GREB1L: variants seen among roughly 807,000 people sequenced by gnomAD.
GREB1L encodes the protein GREB1 like retinoic acid receptor coactivator, also known as GREB1-like protein.
Under a neutral mutation model 200.8 loss-of-function variants are expected in GREB1L, and 17 were observed. The ratio of observed to expected loss-of-function variants is 0.08; its 90% CI spans 0.06 to 0.13. The LOEUF (loss-of-function observed/expected upper bound fraction) is 0.13. Among genes scored for constraint, GREB1L ranks in the 10% least tolerant of loss-of-function variants. GREB1L has a pLI of 1.00. For missense variants in GREB1L, 1,657 were observed against 2,367.7 expected, an observed-to-expected ratio of 0.70 and a Z score of 6.23; for synonymous variants, 789 against 893.0, an observed-to-expected ratio of 0.88 and a Z score of 2.08.
intron 1 of GREB1L, among the ~76,000 whole-genome samples, chr18:21,289,447 G>A (rs2038411488): frequency 6.6e-6 from 1 of 151,968 alleles, no homozygotes; most frequent in South Asian, 2.1e-4. Context: ...GCTGAGGTGG[G>A]AGGATCACTT....
chr18:21,318,228 G>A (rs2038902843), intron 1 of GREB1L, among the ~76,000 whole-genome samples: 1 of 152,010 alleles, frequency 6.6e-6, no homozygotes, highest in Non-Finnish European at 1.5e-5. Context: ...AACTTGGTAT[G>A]TAGAAAGTAT....
chr18:21,449,400 A>G, intron 11 of GREB1L, 110 bp from the exon 12 acceptor site: 1 of 609,390 alleles, frequency 1.6e-6, no homozygotes, highest in Non-Finnish European at 2.8e-6. Flanking sequence ...GTTATTTTCT[A>G]GTTGGAGTAT....
chr18:21,495,828 G>A (rs1489241740), intron 20 of GREB1L, 43 bp downstream of exon 20: 1 of 1,096,314 alleles, frequency 9.1e-7, no homozygotes, highest in Non-Finnish European at 1.3e-6. Context: ...CAGTTGCCCA[G>A]CTGAACTGAT....
At chr18:21,282,669 G>A (rs2038288834) in intron 1 of GREB1L, among the ~76,000 whole-genome samples, 1 of 151,700 alleles carries the variant, frequency 6.6e-6, no homozygotes, top group South Asian at 2.1e-4. Flanking sequence ...GCACAATCTC[G>A]GCTCATTGCA....
At chr18:21,292,607 T>C (rs1248227949) in intron 1 of GREB1L, among the ~76,000 whole-genome samples, 1 of 152,240 alleles carries the variant, frequency 6.6e-6, no homozygotes, top group Admixed American at 6.5e-5. Context: ...AATTATATCA[T>C]GTGTCGCCCT....
intron 7 of GREB1L, among the ~76,000 whole-genome samples, chr18:21,425,416 T>A (rs1434541796): frequency 2.0e-5 from 3 of 152,212 alleles, no homozygotes; most frequent in African/African-American, 7.2e-5. Flanking sequence ...ATTTCAAACC[T>A]AGGAGTGGAA....
intron 1 of GREB1L, among the ~76,000 whole-genome samples, chr18:21,352,496 A>AGC (rs2039448260): frequency 6.8e-6 from 1 of 146,156 alleles, no homozygotes; most frequent in East Asian, 2.0e-4. Context: ...TGCGATGGTG[A>AGC]GATCTCGGCT....
chr18:21,463,131 GTTC>G (rs2035117008), intron 15 of GREB1L, among the ~76,000 whole-genome samples: 1 of 135,620 alleles, frequency 7.4e-6, no homozygotes, highest in Non-Finnish European at 1.6e-5. Flanking sequence ...TAGCTTAATG[GTTC>G]TTTTTTTTTT....
rs547115669 is a variant in GREB1L, at chr18:21,466,153, C to A, written c.2183-6878C>A. Among the ~76,000 whole-genome samples, 19 of 152,172 alleles carry A rather than the reference C, an allele frequency of 1.2e-4. No individual in the cohort carries two copies. In the South Asian group the frequency reaches 2.3e-3, roughly 18 times the overall value. Reference sequence around the variant, plus strand: ...ATTCATTTTACTGATTTTTAGTATTCTTTTATATAAATACATCACATATCT... The same window carrying A: ...ATTCATTTTACTGATTTTTAGTATTATTTTATATAAATACATCACATATCT... On this transcript the variant is annotated intron_variant, in intron 15 of 32. Coordinates refer to ENST00000424526, the MANE Select transcript of GREB1L (RefSeq NM_001142966.3).
chr18:21,281,703 C>T (rs1303478096), intron 1 of GREB1L, among the ~76,000 whole-genome samples: 1 of 151,980 alleles, frequency 6.6e-6, no homozygotes, highest in Non-Finnish European at 1.5e-5. Context: ...TTGTGTGTCT[C>T]AAAGATACAA....
chr18:21,382,044 A>T (rs561933036), intron 2 of GREB1L, among the ~76,000 whole-genome samples: 34 of 152,322 alleles, frequency 2.2e-4, no homozygotes, highest in Admixed American at 8.5e-4. Flanking sequence ...ATTTTGTTTA[A>T]ATAGTTTCAG....
chr18:21,386,688 G>A (rs1427616139), intron 4 of GREB1L, among the ~76,000 whole-genome samples: 3 of 134,420 alleles, frequency 2.2e-5, no homozygotes, highest in Non-Finnish European at 4.5e-5. Context: ...TGTATTTTTA[G>A]TAGAGACAGG....
intron 28 of GREB1L, 99 bp downstream of exon 28, chr18:21,514,085 C>T (rs2037333107): frequency 1.7e-6 from 2 of 1,185,034 alleles, no homozygotes; most frequent in Admixed American, 2.7e-5. Flanking sequence ...AGAGAGACAG[C>T]TTTCCAGAGC....
intron 5 of GREB1L, among the ~76,000 whole-genome samples, chr18:21,397,063 A>G (rs1056582675): frequency 1.5e-4 from 22 of 151,668 alleles, no homozygotes; most frequent in African/African-American, 4.8e-4. Flanking sequence ...GTGTCATCAG[A>G]AAGTCTAGCA....
intron 1 of GREB1L, among the ~76,000 whole-genome samples, chr18:21,312,420 T>C (rs1342348422): frequency 6.6e-6 from 1 of 152,212 alleles, no homozygotes; most frequent in Non-Finnish European, 1.5e-5. Context: ...TCCACAGTGG[T>C]CGAAGTAATT....
intron 1 of GREB1L, among the ~76,000 whole-genome samples, chr18:21,253,437 G>A (rs2037746491): frequency 6.6e-6 from 1 of 151,898 alleles, no homozygotes; most frequent in South Asian, 2.1e-4. Flanking sequence ...TTTTAGTAGA[G>A]TTGAGGTTTC....
chr18:21,454,348 C>T lies in GREB1L; in HGVS notation c.1985-18C>T. On this transcript the variant is annotated intron_variant, in intron 14 of 32. Coordinates refer to ENST00000424526, the MANE Select transcript of GREB1L (RefSeq NM_001142966.3). ...AAGTAAATTAACCTTGTTCTTATGA[C>T]TTCTCTTTAAATTTTAGATTTAGAT... The T allele has an allele frequency of 6.6e-7, 1 of 1,525,794 alleles. No individual in the cohort carries two copies. The highest frequency in any genetic ancestry group is 8.9e-7 in the Non-Finnish European group (1 of 1,124,138). 94.5% of individuals were successfully genotyped at this position (1,525,794 alleles called of 1,614,324 possible).
intron 1 of GREB1L, among the ~76,000 whole-genome samples, chr18:21,246,247 G>T (rs1282756750): frequency 6.6e-6 from 1 of 152,052 alleles, no homozygotes; most frequent in Non-Finnish European, 1.5e-5. Flanking sequence ...TGTAAAATGG[G>T]TTATATTAAT....
chr18:21,251,258 T>C (rs1270341982), intron 1 of GREB1L, among the ~76,000 whole-genome samples: 1 of 152,226 alleles, frequency 6.6e-6, no homozygotes, highest in African/African-American at 2.4e-5. Context: ...GTCACTCATC[T>C]ATTTATGTTG....
Sources: gnomAD v4.1 joint callset for allele counts (sites outside exome capture counted in the v4.1 genomes callset) on GRCh38, gnomAD v4.1.1 for gene constraint, MANE v1.5 for transcripts, NCBI Gene and HGNC (gene_info 2026-07-23, HGNC 2026-07-21) for gene names.